The following MBTD1 variants were observed in gnomAD, a reference collection of about 807,000 sequenced individuals.
The protein encoded by MBTD1 is mbt domain containing 1.
MBTD1 carries 24 observed loss-of-function variants against 87.8 expected under a neutral mutation model. The observed-to-expected ratio is 0.27, with a 90% CI of 0.20 to 0.38. The LOEUF is 0.38. MBTD1 is among the 10% of genes least tolerant of loss of function. The pLI, the probability that MBTD1 is intolerant of heterozygous loss-of-function variation, is 1.00. For missense variants in MBTD1, 436 were observed against 760.2 expected (o/e 0.57, Z 5.02); for synonymous variants, 237 against 248.6 (o/e 0.95, Z 0.44).
chr17:51,241,608 G>A (rs1408555215), intron 2 of MBTD1, among the ~76,000 whole-genome samples: 1 of 151,892 alleles, frequency 6.6e-6, no homozygotes, highest in Non-Finnish European at 1.5e-5. Context: ...CTGTTGCCCG[G>A]GCTGGAGTGC....
chr17:51,253,192 A>G (rs903765016), intron 2 of MBTD1, among the ~76,000 whole-genome samples: 1 of 152,192 alleles, frequency 6.6e-6, no homozygotes, highest in African/African-American at 2.4e-5. Flanking sequence ...ATGTGGGAAA[A>G]ACAGTGCTCA....
chr17:51,219,055 A>G lies in MBTD1; in HGVS notation c.289-11T>C. The G allele has an allele frequency of 7.2e-7, 1 of 1,396,944 alleles. No homozygotes were observed. The highest frequency in any genetic ancestry group is 9.9e-7 in the Non-Finnish European group (1 of 1,005,766). The allele number at this position is 1,396,944 out of a possible 1,614,324, so 86.5% of individuals were successfully genotyped here. ...TGTTGGAGGCTTACCCTAAAACAAG[A>G]AAAGTTAAGTAAATAGGATTCTTTT... On this transcript the variant is annotated splice_polypyrimidine_tract_variant and intron_variant, in intron 4 of 16. Transcript: ENST00000586178.
At chr17:51,249,774 C>G (rs1217097090) in intron 2 of MBTD1, 1 of 152,112 alleles carries the variant, frequency 6.6e-6, no homozygotes, top group Non-Finnish European at 1.5e-5. Context: ...ATATTAATAG[C>G]TTTTACAGTA....
At chr17:51,202,607 T>G in intron 10 of MBTD1, 94 bp downstream of exon 10, 1 of 942,218 alleles carries the variant, frequency 1.1e-6, no homozygotes. Context: ...AGAATGCTAT[T>G]TTTCATCTAT....
chr17:51,240,898 T>C, intron 2 of MBTD1, among the ~76,000 whole-genome samples: 1 of 152,184 alleles, frequency 6.6e-6, no homozygotes, highest in East Asian at 1.9e-4. Context: ...ATACTTAGGT[T>C]GCACTGCCTA....
At chr17:51,247,980 T>G (rs2054548130) in intron 2 of MBTD1, among the ~76,000 whole-genome samples, 3 of 152,216 alleles carry the variant, frequency 2.0e-5, no homozygotes, top group African/African-American at 7.2e-5. Flanking sequence ...AATTATCCAT[T>G]TCATCTAGGT....
intron 2 of MBTD1, among the ~76,000 whole-genome samples, chr17:51,228,494 A>AG (rs1467525293): frequency 5.3e-5 from 8 of 151,558 alleles, no homozygotes; most frequent in Admixed American, 5.3e-4. Flanking sequence ...AACCACGAAA[A>AG]AAAAAAAAAA....
upstream of MBTD1, chr17:51,260,557 G>T (rs759895597): frequency 6.3e-6 from 10 of 1,597,860 alleles, no homozygotes; most frequent in South Asian, 1.1e-4. Flanking sequence ...TTCCACGTGA[G>T]CGCCTGCGTT....
intron 16 of MBTD1, among the ~76,000 whole-genome samples, chr17:51,188,901 G>A (rs1459206462): frequency 6.6e-6 from 1 of 151,922 alleles, no homozygotes; most frequent in Non-Finnish European, 1.5e-5. Context: ...TGGGATTACA[G>A]GCATGCGCCA....
At chr17:51,222,347 G>GA (rs1412468035) in intron 3 of MBTD1, among the ~76,000 whole-genome samples, 1 of 152,174 alleles carries the variant, frequency 6.6e-6, no homozygotes, top group African/African-American at 2.4e-5. Context: ...ATGTAGCTTT[G>GA]ATAACAGGAC....
intron 2 of MBTD1, among the ~76,000 whole-genome samples, chr17:51,227,879 G>A (rs2053320490): frequency 1.3e-5 from 2 of 151,464 alleles, no homozygotes; most frequent in Non-Finnish European, 1.5e-5. Flanking sequence ...TTGAACCCAG[G>A]AGGCAGAGGT....
chr17:51,179,484 T>TTATATATA lies in MBTD1; in HGVS notation c.*1084_*1091dup, dbSNP rs56750454. On this transcript the variant is annotated 3_prime_UTR_variant, in exon 17 of 17. Coordinates refer to ENST00000586178, the MANE Select transcript of MBTD1 (RefSeq NM_017643.3). ...ATCCTGAATACAATTAAAGACAATT[T>TTATATATA]TATATATATATATATATATATATAT... 4.3e-4 allele frequency: 15 copies of TTATATATA among 35,292 alleles called. No individual in the cohort carries two copies. Among genetic ancestry groups the TTATATATA allele is most frequent in the Non-Finnish European group, 7.6e-4 (13 of 17,018 alleles). 2.2% of individuals were successfully genotyped at this position (35,292 alleles called of 1,614,324 possible).
In MBTD1 at chr17:51,255,588, C is replaced by CT. The variant is rs200452852; in HGVS notation, c.-49+3554dup. Among the ~76,000 whole-genome samples, 170 of 147,062 alleles carry CT rather than the reference C, an allele frequency of 1.2e-3. 2 individuals carry two copies. Among genetic ancestry groups the CT allele is most frequent in the East Asian group, 6.1e-3 (31 of 5,072 alleles). On this transcript the variant is annotated intron_variant, in intron 2 of 16. Coordinates refer to ENST00000586178, the MANE Select transcript of MBTD1 (RefSeq NM_017643.3). ...TCTTAAAGTAATAGATGATGATAAC[C>CT]TTTTTTTTTTCCTTTTTTTTTTTTT... is the stretch of plus-strand genomic sequence containing the variant.
At chr17:51,203,984 A>G in intron 7 of MBTD1, 59 bp from the exon 8 acceptor site, 1 of 1,317,882 alleles carries the variant, frequency 7.6e-7, no homozygotes, top group Non-Finnish European at 1.1e-6. Flanking sequence ...AAAACAATAC[A>G]GCATCTGATA....
At chr17:51,192,631 T>A in intron 15 of MBTD1, 151 bp downstream of exon 15, 2 of 1,354,462 alleles carry the variant, frequency 1.5e-6, no homozygotes, top group South Asian at 1.4e-5. Context: ...GATTCTGTGA[T>A]ATTGTTGTTG....
upstream of MBTD1, chr17:51,260,664 C>T (rs773796573): frequency 1.2e-6 from 2 of 1,612,038 alleles, no homozygotes; most frequent in Non-Finnish European, 1.7e-6. Context: ...GGAATGAGGC[C>T]GGACTGGAAA....
chr17:51,194,592 A>G (rs900735851), intron 13 of MBTD1, among the ~76,000 whole-genome samples: 1 of 148,012 alleles, frequency 6.8e-6, no homozygotes, highest in African/African-American at 2.5e-5. Flanking sequence ...AAAAAAAAAA[A>G]GTCCACATGG....
chr17:51,199,981 C>G (rs12449426), intron 12 of MBTD1, among the ~76,000 whole-genome samples: 58,450 of 151,802 alleles, frequency 0.39, 11,749 homozygotes, highest in Non-Finnish European at 0.44. Context: ...TGTGCCACCA[C>G]GCCTAGTTAA....
At chr17:51,226,490 G>C (rs2053227094) in intron 2 of MBTD1, among the ~76,000 whole-genome samples, 1 of 151,724 alleles carries the variant, frequency 6.6e-6, no homozygotes, top group Admixed American at 6.6e-5. Context: ...GTGACAGAGA[G>C]AGACCATGTC....
Sources: gnomAD v4.1 joint callset for allele counts (sites outside exome capture counted in the v4.1 genomes callset) on GRCh38, gnomAD v4.1.1 for gene constraint, MANE v1.5 for transcripts, NCBI Gene and HGNC (gene_info 2026-07-23, HGNC 2026-07-21) for gene names.